Variants in KCNS3 observed in about 807,000 individuals in gnomAD.
The protein encoded by KCNS3 is potassium voltage-gated channel modifier subfamily S member 3, also known as delayed-rectifier potassium channel regulatory subunit KCNS3.
A neutral mutation model predicts 31.0 loss-of-function variants in KCNS3; 13 were observed. The ratio of observed to expected loss-of-function variants is 0.42; its 90% CI spans 0.27 to 0.67. The LOEUF is 0.67. KCNS3 is among the 30% of genes least tolerant of loss of function. The pLI, the probability that KCNS3 is intolerant of heterozygous loss-of-function variation, is 0.25. For missense variants in KCNS3, 545 were observed against 622.4 expected (o/e 0.88, Z 1.32); for synonymous variants, 238 against 241.5 (o/e 0.99, Z 0.13).
At chr2:17,911,203 C>T (rs2125245646) in intron 1 of KCNS3, among the ~76,000 whole-genome samples, 1 of 152,270 alleles carries the variant, frequency 6.6e-6, no homozygotes, top group Middle Eastern at 3.4e-3. Flanking sequence ...CCTTGTATTG[C>T]CGTTATTTAT....
chr2:17,903,272 T>C (rs887654331), intron 1 of KCNS3, among the ~76,000 whole-genome samples: 2 of 152,186 alleles, frequency 1.3e-5, no homozygotes, highest in African/African-American at 4.8e-5. Flanking sequence ...TGCAGTGATA[T>C]GTAAGACAGA....
At chr2:17,925,947 A>G (rs1021745399) in intron 2 of KCNS3, among the ~76,000 whole-genome samples, 1 of 152,236 alleles carries the variant, frequency 6.6e-6, no homozygotes, top group Admixed American at 6.5e-5. Flanking sequence ...AGTCCCTTCT[A>G]CCTAGGAGCC....
Position 17,932,193 on chromosome 2 carries a change from C to G in KCNS3, c.1185C>G (p.Ile395Met). The G allele has an allele frequency of 6.2e-7, 1 of 1,614,034 alleles. No individual in the cohort carries two copies. The highest frequency in any genetic ancestry group is 1.1e-5 in the South Asian group (1 of 91,066). Reference sequence around the variant, plus strand: ...CCAGCACATGCATCATCTGTGGCATCTTGGTGGTGGCCCTTCCCATCACCA... The same window carrying G: ...CCAGCACATGCATCATCTGTGGCATGTTGGTGGTGGCCCTTCCCATCACCA... ...LIASTCIICG[I>M]LVVALPITII... The change falls in exon 3 of 3, where the codon ATC (isoleucine) becomes ATG (methionine). Residue 395 changes from isoleucine (I) to methionine (M), a missense_variant. Coordinates refer to ENST00000304101, the MANE Select transcript of KCNS3 (RefSeq NM_002252.5).
intron 1 of KCNS3, among the ~76,000 whole-genome samples, chr2:17,916,659 G>A (rs1366711349): frequency 6.6e-6 from 1 of 152,128 alleles, no homozygotes; most frequent in Non-Finnish European, 1.5e-5. Flanking sequence ...ATTGCCCCTT[G>A]ATGTTGTTAG....
intron 1 of KCNS3, among the ~76,000 whole-genome samples, chr2:17,888,629 G>GTATATCTATATATC (rs35102585): frequency 1.7e-4 from 16 of 92,408 alleles, no homozygotes; most frequent in African/African-American, 2.2e-4. Flanking sequence ...TAAAAAAAAT[G>GTATATCTATATATC]TATATATATA....
chr2:17,897,363 A>G (rs765931544), intron 1 of KCNS3, among the ~76,000 whole-genome samples: 6 of 152,204 alleles, frequency 3.9e-5, no homozygotes, highest in Non-Finnish European at 7.3e-5. Flanking sequence ...ATACAAATGC[A>G]TGCGTCTTTT....
At chr2:17,926,624 A>G (rs1662844100) in intron 2 of KCNS3, among the ~76,000 whole-genome samples, 1 of 152,242 alleles carries the variant, frequency 6.6e-6, no homozygotes. Context: ...ATCTGAAGCC[A>G]TGGCCCAAGC....
intron 1 of KCNS3, among the ~76,000 whole-genome samples, chr2:17,901,962 C>T (rs1572487548): frequency 6.6e-6 from 1 of 152,178 alleles, no homozygotes; most frequent in East Asian, 1.9e-4. Flanking sequence ...TGTCCTCCTC[C>T]TCTCATTTTG....
intron 1 of KCNS3, among the ~76,000 whole-genome samples, chr2:17,906,138 G>C (rs1041951384): frequency 7.2e-5 from 11 of 152,120 alleles, no homozygotes; most frequent in Non-Finnish European, 1.5e-4. Context: ...CAATTTCAGA[G>C]CCTGTTATTG....
chr2:17,905,301 C>T (rs1223071276), intron 1 of KCNS3, among the ~76,000 whole-genome samples: 1 of 152,158 alleles, frequency 6.6e-6, no homozygotes, highest in Non-Finnish European at 1.5e-5. Flanking sequence ...GATTTTTGCA[C>T]ATTGATTTTG....
intron 1 of KCNS3, among the ~76,000 whole-genome samples, chr2:17,916,472 T>TG (rs1487259450): frequency 6.6e-6 from 1 of 152,208 alleles, no homozygotes; most frequent in Non-Finnish European, 1.5e-5. Context: ...CTCTGCTAAG[T>TG]GTTCCATCTT....
At chr2:17,880,731 T>G (rs1346807855) in intron 1 of KCNS3, among the ~76,000 whole-genome samples, 1 of 152,210 alleles carries the variant, frequency 6.6e-6, no homozygotes, top group Non-Finnish European at 1.5e-5. Context: ...ATATTAAAAA[T>G]CCAAAGCTCT....
intron 1 of KCNS3, among the ~76,000 whole-genome samples, chr2:17,905,342 A>C (rs1412362380): frequency 6.6e-6 from 1 of 152,222 alleles, no homozygotes; most frequent in Non-Finnish European, 1.5e-5. Flanking sequence ...GTTGCTTATC[A>C]GCTTAAGGAG....
At chr2:17,928,592 A>T (rs1662887742) in intron 2 of KCNS3, among the ~76,000 whole-genome samples, 1 of 152,038 alleles carries the variant, frequency 6.6e-6, no homozygotes, top group Non-Finnish European at 1.5e-5. Flanking sequence ...ATTGTTTTAA[A>T]TGACCAATGG....
intron 1 of KCNS3, among the ~76,000 whole-genome samples, chr2:17,904,244 G>A (rs1190058574): frequency 1.3e-5 from 2 of 152,238 alleles, no homozygotes; most frequent in Non-Finnish European, 2.9e-5. Flanking sequence ...TCTTTTGGCT[G>A]CATAAATGTC....
At chr2:17,884,303 A>ATATT (rs1674719627) in intron 1 of KCNS3, among the ~76,000 whole-genome samples, 3 of 138,370 alleles carry the variant, frequency 2.2e-5, no homozygotes, top group Non-Finnish European at 4.7e-5. Context: ...ATATATATAT[A>ATATT]TTTAAAAAGA....
intron 1 of KCNS3, among the ~76,000 whole-genome samples, chr2:17,912,925 C>T (rs1019910594): frequency 6.6e-6 from 1 of 152,090 alleles, no homozygotes; most frequent in African/African-American, 2.4e-5. Context: ...AAGGATTTGC[C>T]ATATTAACTT....
intron 1 of KCNS3, among the ~76,000 whole-genome samples, chr2:17,916,462 C>T (rs1662588407): frequency 6.6e-6 from 1 of 152,164 alleles, no homozygotes; most frequent in African/African-American, 2.4e-5. Context: ...TCTCTACCTC[C>T]TCTGCTAAGT....
At chr2:17,916,417 G>A (rs1662587181) in intron 1 of KCNS3, among the ~76,000 whole-genome samples, 1 of 152,070 alleles carries the variant, frequency 6.6e-6, no homozygotes, top group Non-Finnish European at 1.5e-5. Flanking sequence ...GAGGAGTTTA[G>A]CACCTGAATT....
Sources: gnomAD v4.1 joint callset for allele counts (sites outside exome capture counted in the v4.1 genomes callset) on GRCh38, gnomAD v4.1.1 for gene constraint, MANE v1.5 for transcripts, NCBI Gene and HGNC (gene_info 2026-07-23, HGNC 2026-07-21) for gene names.